CDH4: variants seen among roughly 807,000 people sequenced by gnomAD.
CDH4 encodes cadherin-4.
Under a neutral mutation model 86.0 loss-of-function variants are expected in CDH4, and 33 were observed. That is an observed-to-expected ratio of 0.38 (90% CI 0.29 to 0.51). CDH4 has a LOEUF of 0.51. Ranked by LOEUF, CDH4 falls within the 20% of genes least tolerant of loss-of-function variation. The pLI is 0.86. For missense variants in CDH4, 1,114 were observed against 1,307.4 expected (o/e 0.85, Z 2.28); for synonymous variants, 555 against 549.4 (o/e 1.01, Z -0.14).
rs2087520099 is a variant in CDH4 at position 61,681,991 on chromosome 20, G to A, written c.170-61572G>A. Among the ~76,000 whole-genome samples the A allele has an allele frequency of 6.6e-6, 1 of 152,218 alleles. No homozygotes were observed. Among genetic ancestry groups the A allele is most frequent in the Admixed American group, 6.5e-5 (1 of 15,280 alleles). ...GAAGGAAGCCCAGTGGGTTTCAGCT[G>A]CTAGTGGAGAACCTATGGCTTCAGT... is the stretch of plus-strand genomic sequence containing the variant. On this transcript the variant is annotated intron_variant, in intron 2 of 15. Coordinates refer to ENST00000614565, the MANE Select transcript of CDH4 (RefSeq NM_001794.5). The surrounding 1 kb of genome is among the most constrained non-coding windows in gnomAD (Gnocchi z 4.5).
At chr20:61,858,153 GTCTGTGTGTC>G (rs1308679875) in intron 6 of CDH4, among the ~76,000 whole-genome samples, 3 of 128,820 alleles carry the variant, frequency 2.3e-5, no homozygotes, top group Non-Finnish European at 4.9e-5. Context: ...GTGTGTCTGT[GTCTGTGTGTC>G]TCTGTGTGTC....
intron 4 of CDH4, among the ~76,000 whole-genome samples, chr20:61,840,584 C>T (rs1344200799): frequency 6.6e-6 from 1 of 152,236 alleles, no homozygotes; most frequent in Admixed American, 6.5e-5. Context: ...GTTCTGTCCT[C>T]TAATAACAAA....
At chr20:61,273,966 C>T (rs1385051717) in intron 2 of CDH4, among the ~76,000 whole-genome samples, 1 of 138,836 alleles carries the variant, frequency 7.2e-6, no homozygotes, top group Non-Finnish European at 1.5e-5. Context: ...GTACCATGTG[C>T]AGTTTTGGGG....
chr20:61,910,356 G>T, intron 8 of CDH4, 66 bp from the exon 9 acceptor site: 1 of 1,394,950 alleles, frequency 7.2e-7, no homozygotes, highest in African/African-American at 1.4e-5. Context: ...CATATGCTAC[G>T]TGCACTTCTC....
chr20:61,665,788 G>C (rs2087316915), intron 2 of CDH4, among the ~76,000 whole-genome samples: 1 of 152,180 alleles, frequency 6.6e-6, no homozygotes, highest in Non-Finnish European at 1.5e-5. Context: ...CAGGCAGGCT[G>C]GTGGCTGCTG....
intron 2 of CDH4, among the ~76,000 whole-genome samples, chr20:61,679,153 C>T (rs188408086): frequency 2.7e-4 from 41 of 152,244 alleles, no homozygotes; most frequent in African/African-American, 9.4e-4. Flanking sequence ...TCAGTGGCTG[C>T]GTGGCATGGC....
At chr20:61,851,749 C>G (rs1982736185) in intron 5 of CDH4, among the ~76,000 whole-genome samples, 1 of 152,194 alleles carries the variant, frequency 6.6e-6, no homozygotes, top group Non-Finnish European at 1.5e-5. Context: ...TCTGTGTCCT[C>G]TGCCTTGGCC....
At chr20:61,540,509 G>A (rs1290227741) in intron 2 of CDH4, among the ~76,000 whole-genome samples, 1 of 151,984 alleles carries the variant, frequency 6.6e-6, no homozygotes, top group East Asian at 1.9e-4. Flanking sequence ...ATAACTTCAG[G>A]GGCTGGTCTT....
intron 5 of CDH4, among the ~76,000 whole-genome samples, chr20:61,852,387 A>G (rs1982766271): frequency 6.6e-6 from 1 of 152,184 alleles, no homozygotes; most frequent in Admixed American, 6.5e-5. Flanking sequence ...CTTTGGGTGG[A>G]CATCACCCCA....
intron 2 of CDH4, among the ~76,000 whole-genome samples, chr20:61,411,809 G>A (rs1048858332): frequency 7.2e-5 from 11 of 152,166 alleles, no homozygotes; most frequent in Admixed American, 5.2e-4. Context: ...GCAGCTGGCC[G>A]GCATGGGCAC....
chr20:61,786,413 C>T (rs1169715755), intron 4 of CDH4, among the ~76,000 whole-genome samples: 1 of 152,194 alleles, frequency 6.6e-6, no homozygotes, highest in Non-Finnish European at 1.5e-5. Flanking sequence ...ACATTGTCCC[C>T]GCTGAAGCCA....
At chr20:61,349,893 G>C (rs966166390) in intron 2 of CDH4, among the ~76,000 whole-genome samples, 1 of 152,190 alleles carries the variant, frequency 6.6e-6, no homozygotes, top group African/African-American at 2.4e-5. Context: ...GGGCAGGGCA[G>C]CTCATGCTAC....
At chr20:61,782,888 A>G (rs1269836378) in intron 4 of CDH4, among the ~76,000 whole-genome samples, 1 of 152,224 alleles carries the variant, frequency 6.6e-6, no homozygotes, top group African/African-American at 2.4e-5. Context: ...GTTCAAGACC[A>G]GCCTGACCAA....
At chr20:61,580,076 G>A (rs925494447) in intron 2 of CDH4, among the ~76,000 whole-genome samples, 4 of 151,874 alleles carry the variant, frequency 2.6e-5, no homozygotes, top group Non-Finnish European at 4.4e-5. Flanking sequence ...ATTGTTTACA[G>A]TGCAACCCAG....
At chr20:61,280,306 G>A (rs1175949159) in intron 2 of CDH4, among the ~76,000 whole-genome samples, 2 of 152,238 alleles carry the variant, frequency 1.3e-5, no homozygotes, top group African/African-American at 2.4e-5. Flanking sequence ...AAGAGAGGAT[G>A]TGAACTGCCT....
At chr20:61,329,969 A>C (rs1363620077) in intron 2 of CDH4, among the ~76,000 whole-genome samples, 1 of 151,732 alleles carries the variant, frequency 6.6e-6, no homozygotes, top group Non-Finnish European at 1.5e-5. Flanking sequence ...TAGTTTTCTG[A>C]GGATAATGGC....
chr20:61,306,019 G>C (rs1053543824), intron 2 of CDH4, among the ~76,000 whole-genome samples: 1 of 152,154 alleles, frequency 6.6e-6, no homozygotes, highest in African/African-American at 2.4e-5. Flanking sequence ...TTATGGCACA[G>C]CCAGGCCCTC....
At chr20:61,357,519 T>C (rs1488675833) in intron 2 of CDH4, among the ~76,000 whole-genome samples, 1 of 152,194 alleles carries the variant, frequency 6.6e-6, no homozygotes, top group East Asian at 1.9e-4. Flanking sequence ...ATGAACTCTT[T>C]ATGTTTCTCT....
chr20:61,427,334 A>G (rs1163639766), intron 2 of CDH4, among the ~76,000 whole-genome samples: 1 of 152,028 alleles, frequency 6.6e-6, no homozygotes, highest in African/African-American at 2.4e-5. Context: ...GTGGAAGATG[A>G]TGTGTCTCTT....
Sources: gnomAD v4.1 joint callset for allele counts (sites outside exome capture counted in the v4.1 genomes callset) on GRCh38, gnomAD v4.1.1 for gene constraint, Gnocchi (gnomAD v3.1) non-coding constraint, MANE v1.5 for transcripts, NCBI Gene and HGNC (gene_info 2026-07-23, HGNC 2026-07-21) for gene names.